Variants in PRKCQ observed in about 807,000 individuals in gnomAD.
The protein encoded by PRKCQ is protein kinase C theta type.
A neutral mutation model predicts 91.2 loss-of-function variants in PRKCQ; 41 were observed. That is an observed-to-expected ratio of 0.45 (90% confidence interval 0.35 to 0.58). PRKCQ has a LOEUF of 0.58. Among genes scored for constraint, PRKCQ ranks in the 20% least tolerant of loss-of-function variants. The probability of loss-of-function intolerance (pLI) is 0.00; values close to 1 mark genes in which losing one functional copy is unlikely to be tolerated. For missense variants in PRKCQ, 673 were observed against 896.5 expected (o/e 0.75, Z 3.18); for synonymous variants, 307 against 316.9 (o/e 0.97, Z 0.33).
chr10:6,570,118 T>C (rs1840984332), intron 1 of PRKCQ, among the ~76,000 whole-genome samples: 1 of 152,138 alleles, frequency 6.6e-6, no homozygotes, highest in Non-Finnish European at 1.5e-5. Flanking sequence ...CCAGGATGCA[T>C]GTGTGCTCAC....
At chr10:6,550,974 T>C (rs183687867) in intron 1 of PRKCQ, among the ~76,000 whole-genome samples, 8 of 152,236 alleles carry the variant, frequency 5.3e-5, no homozygotes, top group African/African-American at 1.9e-4. Context: ...TTGCTAATGG[T>C]AAGTAATGTT....
intron 1 of PRKCQ, among the ~76,000 whole-genome samples, chr10:6,556,431 TG>T (rs71379863): frequency 0.56 from 42,269 of 75,064 alleles, 9,248 homozygotes; most frequent in Middle Eastern, 0.61. Flanking sequence ...GACCCTGTCT[TG>T]GGAAAAAAAA....
At chr10:6,462,424 C>T (rs1397576605) in intron 13 of PRKCQ, 59 bp from the exon 14 acceptor site, 1 of 1,521,484 alleles carries the variant, frequency 6.6e-7, no homozygotes. Context: ...AATAAAATCC[C>T]AAACCCAGAC....
chr10:6,551,172 A>G (rs927328434), intron 1 of PRKCQ, among the ~76,000 whole-genome samples: 6 of 152,078 alleles, frequency 3.9e-5, no homozygotes, highest in African/African-American at 1.4e-4. Context: ...ACCCTCTGAC[A>G]GGCCCCAGTG....
At chr10:6,572,159 C>T (rs911288632) in intron 1 of PRKCQ, among the ~76,000 whole-genome samples, 2 of 152,186 alleles carry the variant, frequency 1.3e-5, no homozygotes, top group African/African-American at 4.8e-5. Flanking sequence ...CCCCTGAGCT[C>T]ATCTGATTCT....
At chr10:6,513,022 G>A (rs1372592076) in intron 2 of PRKCQ, among the ~76,000 whole-genome samples, 1 of 152,096 alleles carries the variant, frequency 6.6e-6, no homozygotes, top group African/African-American at 2.4e-5. Context: ...CTGGAGAAAA[G>A]GGCCAAAAAT....
Position 6,579,912 on chromosome 10 carries a change from A to G in PRKCQ, c.-10+299T>C, listed in dbSNP as rs1841401745. Among the ~76,000 whole-genome samples the G allele has an allele frequency of 3.4e-5, 5 of 147,484 alleles. No individual in the cohort carries two copies. The Admixed American group carries it at 3.4e-4, about 10-fold the overall frequency. On this transcript the variant is annotated intron_variant, in intron 1 of 17. Transcript: ENST00000263125. ...CCTCCCCGCAGGCCCCCTTTCGTTCAGGTGAGAAGGAAAAGGGAGAAGAAA... is the reference window on the plus strand; with the variant it reads ...CCTCCCCGCAGGCCCCCTTTCGTTCGGGTGAGAAGGAAAAGGGAGAAGAAA...
At position 6,511,140 on chromosome 10, in the gene PRKCQ, C is replaced by G. The variant is rs1588359967; in HGVS notation, c.173G>C (p.Ser58Thr). Reference protein sequence around the residue: ...KKPTMYPPWDSTFDAHINKGR... With the variant: ...KKPTMYPPWDTTFDAHINKGR... Reference sequence around the variant, plus strand: ...CTTGTTGATATGGGCATCAAAAGTGCTGTCCCAGGGTGGGTACATGGTAGG... The same window carrying G: ...CTTGTTGATATGGGCATCAAAAGTGGTGTCCCAGGGTGGGTACATGGTAGG... The change falls in exon 3 of 18, where the codon AGC (serine) becomes ACC (threonine). Residue 58 changes from serine to threonine, a missense_variant. By Grantham distance (58) the Ser-to-Thr change is moderately conservative (BLOSUM62 1). Coordinates refer to ENST00000263125, the MANE Select transcript of PRKCQ (RefSeq NM_006257.5). 2 of 1,614,132 alleles carry G rather than the reference C, an allele frequency of 1.2e-6. 1 individual carries two copies. The highest frequency in any genetic ancestry group is 2.2e-5 in the South Asian group (2 of 91,086).
the PRKCQ span, among the ~76,000 whole-genome samples, chr10:6,394,216 G>A: frequency 6.6e-6 from 1 of 152,222 alleles, no homozygotes; most frequent in South Asian, 2.1e-4. Flanking sequence ...CACTGGCCTT[G>A]TGATTACGAC....
chr10:6,549,690 G>C (rs1386872072), intron 1 of PRKCQ, among the ~76,000 whole-genome samples: 1 of 146,506 alleles, frequency 6.8e-6, no homozygotes, highest in East Asian at 2.0e-4. Context: ...GAGTGCAATG[G>C]CATGATCTTG....
chr10:6,525,429 A>T (rs1290055790), intron 1 of PRKCQ, among the ~76,000 whole-genome samples: 2 of 152,126 alleles, frequency 1.3e-5, no homozygotes, highest in South Asian at 2.1e-4. Flanking sequence ...AATACTTTTT[A>T]AAAAAACTTT....
intron 8 of PRKCQ, among the ~76,000 whole-genome samples, chr10:6,488,386 AC>A (rs1837048776): frequency 1.5e-5 from 2 of 136,642 alleles, no homozygotes; most frequent in Admixed American, 7.5e-5. Flanking sequence ...AATAACTATT[AC>A]TTTTTTTTTT....
At chr10:6,560,822 G>C (rs1373917064) in intron 1 of PRKCQ, among the ~76,000 whole-genome samples, 1 of 151,956 alleles carries the variant, frequency 6.6e-6, no homozygotes, top group Non-Finnish European at 1.5e-5. Flanking sequence ...GGTGGATCAC[G>C]AGGTCAGGAC....
upstream of PRKCQ, chr10:6,580,554 C>T (rs1436920244): frequency 1.3e-5 from 2 of 152,428 alleles, no homozygotes; most frequent in Non-Finnish European, 2.9e-5. Flanking sequence ...GCCGGAGGGC[C>T]CAGGACAGCC....
In PRKCQ at chr10:6,464,325, AG is replaced by A. The variant is rs1282932436; in HGVS notation, c.1432del (p.Leu478PhefsTer23). ...TAAAGCCTCTTACGTCGCTCTGGAA[AG>A]GTCGAACTTGTGGCAGCTTTGGATG... ...YHIQSCHKFD[L>X]SRATFYAAEI... On this transcript the variant is annotated frameshift_variant, in exon 13 of 18. Transcript: ENST00000263125. LOFTEE classifies it high-confidence loss of function. 1 of 1,613,706 alleles carries A rather than the reference AG, an allele frequency of 6.2e-7. No homozygotes were observed. Among genetic ancestry groups the A allele is most frequent in the Non-Finnish European group, 8.5e-7 (1 of 1,179,858 alleles).
intron 4 of PRKCQ, among the ~76,000 whole-genome samples, chr10:6,500,540 T>C (rs1484121015): frequency 6.6e-6 from 1 of 151,936 alleles, no homozygotes; most frequent in Non-Finnish European, 1.5e-5. Context: ...ATCAGGAATT[T>C]CTAGAAATGA....
At chr10:6,496,032 A>G (rs1564351536) in intron 7 of PRKCQ, among the ~76,000 whole-genome samples, 1 of 151,982 alleles carries the variant, frequency 6.6e-6, no homozygotes, top group East Asian at 1.9e-4. Context: ...CCTGGCCAAC[A>G]TGGTGAAACC....
chr10:6,463,917 T>G (rs1305422418), intron 13 of PRKCQ, among the ~76,000 whole-genome samples: 1 of 152,094 alleles, frequency 6.6e-6, no homozygotes, highest in Non-Finnish European at 1.5e-5. Context: ...CTCTTCCTGC[T>G]CCCTAAAGCT....
At chr10:6,481,996 CT>C (rs143551186) in intron 11 of PRKCQ, among the ~76,000 whole-genome samples, 282 of 141,790 alleles carry the variant, frequency 2.0e-3, no homozygotes, top group Middle Eastern at 7.2e-3. Flanking sequence ...CTCACCTCCC[CT>C]TTTTTTTTTT....
Sources: allele counts gnomAD v4.1 joint callset (sites outside exome capture counted in the v4.1 genomes callset), GRCh38; gene constraint gnomAD v4.1.1; transcripts MANE v1.5; gene names NCBI Gene and HGNC (gene_info 2026-07-23, HGNC 2026-07-21).